CUX1: variants seen among roughly 807,000 people sequenced by gnomAD.
CUX1 encodes cut like homeobox 1, also known as protein CASP.
CUX1 carries 31 observed loss-of-function variants against 158.8 expected under a neutral mutation model. The observed-to-expected ratio is 0.20, with a 90% CI of 0.15 to 0.26. CUX1 has a LOEUF of 0.26. CUX1 is among the 10% of genes least tolerant of loss of function. The probability of loss-of-function intolerance (pLI) is 1.00; values close to 1 mark genes in which losing one functional copy is unlikely to be tolerated. For synonymous variants in CUX1, 879 were observed against 862.1 expected (o/e 1.02, Z -0.34); for missense variants, 1,589 against 2,014.6 (o/e 0.79, Z 4.04).
chr7:101,999,172 C>T (rs1816360411), intron 2 of CUX1, among the ~76,000 whole-genome samples: 1 of 151,256 alleles, frequency 6.6e-6, no homozygotes, highest in Non-Finnish European at 1.5e-5. Flanking sequence ...CTGTCGCCTC[C>T]ACTCTCTAGG....
At position 102,054,178 on chromosome 7, in the gene CUX1, G is replaced by A. The variant is rs117362678; in HGVS notation, c.190-16161G>A. Among the ~76,000 whole-genome samples the A allele has an allele frequency of 1.7e-3, 265 of 152,162 alleles. 5 individuals are homozygous for A. The East Asian group carries it at 0.043, about 25-fold the overall frequency. The stretch of plus-strand genomic sequence containing the variant: ...TATATTTGATGAAATCCAATTTGTC[G>A]ATTTTTCTTCTGGTATTTGTGCTTT... On this transcript the variant is annotated intron_variant, in intron 3 of 23. Transcript: ENST00000292535.
intron 2 of CUX1, among the ~76,000 whole-genome samples, chr7:101,972,966 A>G (rs1394669143): frequency 2.6e-5 from 4 of 152,236 alleles, no homozygotes; most frequent in Non-Finnish European, 2.9e-5. Context: ...AGATCTCGTT[A>G]CTGACCAGTG....
chr7:102,184,983 G>A (rs952818998), intron 11 of CUX1, among the ~76,000 whole-genome samples: 5 of 152,166 alleles, frequency 3.3e-5, no homozygotes, highest in African/African-American at 9.7e-5. Flanking sequence ...CCAGTTCCCA[G>A]ATTCTCTTTC....
chr7:102,253,589 T>C lies in CUX1; in HGVS notation c.*4547T>C. On this transcript the variant is annotated 3_prime_UTR_variant, in exon 24 of 24. Transcript: ENST00000292535. ...CTGATTTTAGCAAAGCAAATCTTAC[T>C]GAAAAATAGCAGAGCCAGGGGAACA... The C allele has an allele frequency of 2.0e-6, 2 of 985,458 alleles. No individual in the cohort carries two copies. Among genetic ancestry groups the C allele is most frequent in the Non-Finnish European group, 2.4e-6 (2 of 829,942 alleles). The allele number at this position is 985,458 out of a possible 1,614,324, so 61.0% of individuals were successfully genotyped here. A position where few individuals can be genotyped will look rare whatever the true frequency, so the allele number is the denominator to read the frequency against.
chr7:102,239,713 C>A, intron 23 of CUX1, 129 bp downstream of exon 23: 2 of 1,054,520 alleles, frequency 1.9e-6, no homozygotes, highest in Admixed American at 2.8e-5. Context: ...GGTGATTGGT[C>A]CGTTCCTTGG....
In CUX1 at chr7:102,249,616, C is replaced by T; in HGVS notation, c.*574C>T. 1.0e-6 allele frequency: 1 copy of T among 985,546 alleles called. No individual in the cohort carries two copies. The highest frequency in any genetic ancestry group is 1.2e-6 in the Non-Finnish European group (1 of 829,904). The allele number at this position is 985,546 out of a possible 1,614,324, so 61.1% of individuals were successfully genotyped here. A position where few individuals can be genotyped will look rare whatever the true frequency, so the allele number is the denominator to read the frequency against. On this transcript the variant is annotated 3_prime_UTR_variant, in exon 24 of 24. Coordinates refer to ENST00000292535, the MANE Select transcript of CUX1 (RefSeq NM_181552.4). ...CACATATTAAAAGGGGGCTTTTTAT[C>T]TGCCATCTAATGGCTTCAGAGCGAT...
chr7:102,145,570 A>T (rs1554501810), intron 8 of CUX1, among the ~76,000 whole-genome samples: 1 of 152,004 alleles, frequency 6.6e-6, no homozygotes, highest in African/African-American at 2.4e-5. Flanking sequence ...TTTTATCCTC[A>T]TGCTAATTTC....
chr7:101,953,672 C>T (rs950737200), intron 2 of CUX1, among the ~76,000 whole-genome samples: 6 of 152,166 alleles, frequency 3.9e-5, no homozygotes, highest in Non-Finnish European at 8.8e-5. Flanking sequence ...ACCTCACGTA[C>T]CAAATATAGA....
At chr7:102,105,755 C>T (rs1397339859) in intron 6 of CUX1, among the ~76,000 whole-genome samples, 1 of 152,000 alleles carries the variant, frequency 6.6e-6, no homozygotes, top group Non-Finnish European at 1.5e-5. Context: ...TCAGGTGATC[C>T]ACCCACCTCA....
chr7:101,832,086 G>A (rs1329480657), intron 1 of CUX1, among the ~76,000 whole-genome samples: 1 of 152,172 alleles, frequency 6.6e-6, no homozygotes, highest in African/African-American at 2.4e-5. Flanking sequence ...AGTTGTTGGG[G>A]TGTGTCTTAG....
At chr7:102,018,579 C>T (rs1381339424) in intron 2 of CUX1, among the ~76,000 whole-genome samples, 1 of 152,216 alleles carries the variant, frequency 6.6e-6, no homozygotes, top group Non-Finnish European at 1.5e-5. Flanking sequence ...GCTGTCCTGT[C>T]TGAGCTGCCC....
At chr7:102,195,005 CAG>C (rs1356693304) in intron 13 of CUX1, among the ~76,000 whole-genome samples, 1 of 151,064 alleles carries the variant, frequency 6.6e-6, no homozygotes, top group Non-Finnish European at 1.5e-5. Flanking sequence ...GCCTGGGCGA[CAG>C]AGTGAGACTC....
At chr7:101,817,550 C>T, upstream of CUX1, 4 of 1,294,664 alleles carry the variant, frequency 3.1e-6, no homozygotes, top group Non-Finnish European at 3.9e-6. The surrounding 1 kb of genome is among the most constrained non-coding windows in gnomAD (Gnocchi z 4.1). Context: ...CACCCCCCGC[C>T]CGGAGGAGCG....
rs1169312118 is a variant in CUX1, at chr7:102,201,912, G to T, written c.2615G>T (p.Gly872Val). The T allele has an allele frequency of 6.2e-7, 1 of 1,613,934 alleles. No homozygotes were observed. Among genetic ancestry groups the T allele is most frequent in the African/African-American group, 1.3e-5 (1 of 74,920 alleles). ...QPRAERSQLQ[G>V]PSSSEYWKEW... Reference sequence around the variant, plus strand: ...CGGGCCGAGCGCAGTCAGCTCCAGGGACCCTCGTCGTCAGAGTACTGGAAG... The same window carrying T: ...CGGGCCGAGCGCAGTCAGCTCCAGGTACCCTCGTCGTCAGAGTACTGGAAG... Residue 872 changes from glycine to valine, a missense_variant, in exon 18 of 24, where the codon GGA (glycine) becomes GTA (valine). Transcript: ENST00000292535. This position sits in a 1 kb window ranked among gnomAD's most constrained non-coding sequence, Gnocchi z 5.0.
At chr7:101,847,983 G>A (rs993210493) in intron 1 of CUX1, among the ~76,000 whole-genome samples, 2 of 144,750 alleles carry the variant, frequency 1.4e-5, no homozygotes, top group Non-Finnish European at 1.5e-5. Flanking sequence ...ACTTGAACCC[G>A]GGAGCCAGAG....
intron 6 of CUX1, among the ~76,000 whole-genome samples, chr7:102,111,379 A>G (rs1212154660): frequency 1.3e-5 from 2 of 152,204 alleles, no homozygotes; most frequent in African/African-American, 4.8e-5. Context: ...CAATGAGTGC[A>G]TGATGATGAT....
At chr7:102,039,517 C>T (rs184917467) in intron 3 of CUX1, among the ~76,000 whole-genome samples, 14 of 152,094 alleles carry the variant, frequency 9.2e-5, no homozygotes, top group Admixed American at 3.3e-4. Flanking sequence ...TAGCCAAGTG[C>T]GGTATCATAC....
chr7:102,199,934 G>T, intron 16 of CUX1, 137 bp from the exon 17 acceptor site: 1 of 616,076 alleles, frequency 1.6e-6, no homozygotes. Context: ...GCAAACACAG[G>T]CCACTGGGAG....
chr7:102,227,088 G>GT (rs776287409), intron 20 of CUX1, among the ~76,000 whole-genome samples: 13 of 152,162 alleles, frequency 8.5e-5, no homozygotes, highest in East Asian at 1.9e-4. Flanking sequence ...ATTAATAGGA[G>GT]TTTTTTTAGC....
Sources: gnomAD v4.1 joint callset for allele counts (sites outside exome capture counted in the v4.1 genomes callset) on GRCh38, gnomAD v4.1.1 for gene constraint, Gnocchi (gnomAD v3.1) non-coding constraint, MANE v1.5 for transcripts, NCBI Gene and HGNC (gene_info 2026-07-23, HGNC 2026-07-21) for gene names.